The following CEP128 variants were observed in gnomAD, a reference collection of about 807,000 sequenced individuals.
CEP128 encodes centrosomal protein 128kDa.
In CEP128, 132 loss-of-function variants were observed where a neutral mutation model predicts 156.7. The ratio of observed to expected loss-of-function variants is 0.84; its 90% CI spans 0.73 to 0.97. The LOEUF (loss-of-function observed/expected upper bound fraction) is 0.97. Ranked by LOEUF, CEP128 falls within the 50% of genes least tolerant of loss-of-function variation. CEP128 has a pLI of 0.00. For synonymous variants in CEP128, 469 were observed against 448.9 expected, an observed-to-expected ratio of 1.04 and a Z score of -0.57; for missense variants, 1,252 against 1,281.9, an observed-to-expected ratio of 0.98 and a Z score of 0.36.
chr14:80,660,878 A>C (rs1006142045), intron 19 of CEP128, among the ~76,000 whole-genome samples: 2 of 152,256 alleles, frequency 1.3e-5, no homozygotes, highest in Non-Finnish European at 2.9e-5. Context: ...GCAATATTTT[A>C]TCTACACTAC....
At chr14:80,895,872 T>C in intron 7 of CEP128, 82 bp from the exon 8 acceptor site, 14 of 947,012 alleles carry the variant, frequency 1.5e-5, no homozygotes, top group Middle Eastern at 3.4e-4. Context: ...ACATGATAAT[T>C]ATGTTATTAC....
At chr14:80,554,317 AG>A (rs1323294661) in intron 21 of CEP128, among the ~76,000 whole-genome samples, 1 of 152,180 alleles carries the variant, frequency 6.6e-6, no homozygotes, top group Non-Finnish European at 1.5e-5. Flanking sequence ...TTAATGACTA[AG>A]GGTCTAAATT....
chr14:80,832,764 T>G (rs557403888), intron 12 of CEP128, among the ~76,000 whole-genome samples: 1 of 152,342 alleles, frequency 6.6e-6, no homozygotes, highest in East Asian at 1.9e-4. Flanking sequence ...TTCAGGTAAT[T>G]GCACACACAG....
intron 19 of CEP128, among the ~76,000 whole-genome samples, chr14:80,658,595 A>G (rs1162598362): frequency 6.6e-6 from 1 of 152,214 alleles, no homozygotes. Flanking sequence ...TAGGGTAATC[A>G]ATGTTGAGAT....
At chr14:80,778,423 G>C (rs1377654075) in intron 15 of CEP128, among the ~76,000 whole-genome samples, 2 of 152,196 alleles carry the variant, frequency 1.3e-5, no homozygotes, top group African/African-American at 4.8e-5. Context: ...GGAGTTATTA[G>C]AGAAGTGTCC....
chr14:80,570,056 A>G (rs1316461506), intron 20 of CEP128, among the ~76,000 whole-genome samples: 2 of 152,226 alleles, frequency 1.3e-5, no homozygotes, highest in East Asian at 3.9e-4. Context: ...TACCATAAAA[A>G]TCAAAACTAT....
chr14:80,645,023 T>C (rs983074480), intron 19 of CEP128, among the ~76,000 whole-genome samples: 2 of 152,126 alleles, frequency 1.3e-5, no homozygotes, highest in African/African-American at 4.8e-5. Flanking sequence ...AAATGAGACA[T>C]ACTTAATTCT....
At chr14:80,609,624 C>T (rs1304614152) in intron 19 of CEP128, among the ~76,000 whole-genome samples, 1 of 152,122 alleles carries the variant, frequency 6.6e-6, no homozygotes, top group Admixed American at 6.5e-5. Flanking sequence ...AACTGAACCA[C>T]ATGGAAATAA....
chr14:80,487,328 A>G (rs539697539), downstream of CEP128, among the ~76,000 whole-genome samples: 67 of 152,358 alleles, frequency 4.4e-4, no homozygotes, highest in African/African-American at 1.4e-3. Context: ...AGAGCTAACT[A>G]TCCTAAATAT....
chr14:80,559,261 G>A lies in CEP128; in HGVS notation c.2880+18C>T, dbSNP rs753044823. 1.9e-6 allele frequency: 3 copies of A among 1,603,488 alleles called. No homozygotes were observed. Among genetic ancestry groups the A allele is most frequent in the East Asian group, 2.3e-5 (1 of 44,392 alleles). ...GCAGTAATTCTGATAAAAGGAGAAAGAAAATGCCCCAACTTACCGTTTCTA... is the reference window on the plus strand; with the variant it reads ...GCAGTAATTCTGATAAAAGGAGAAAAAAAATGCCCCAACTTACCGTTTCTA... On this transcript the variant is annotated intron_variant, in intron 21 of 24. Coordinates refer to ENST00000555265, the MANE Select transcript of CEP128 (RefSeq NM_152446.5).
intron 19 of CEP128, among the ~76,000 whole-genome samples, chr14:80,589,434 T>C (rs1311856205): frequency 2.6e-5 from 4 of 152,132 alleles, no homozygotes; most frequent in Non-Finnish European, 5.9e-5. Context: ...GTACTATACA[T>C]GGTATATGGT....
At chr14:80,767,601 A>G (rs1488607546) in intron 16 of CEP128, among the ~76,000 whole-genome samples, 1 of 152,116 alleles carries the variant, frequency 6.6e-6, no homozygotes, top group East Asian at 1.9e-4. Context: ...ACTCATTATA[A>G]AAGTCCAATA....
At chr14:80,826,117 A>AC (rs979333185) in intron 13 of CEP128, among the ~76,000 whole-genome samples, 3 of 151,664 alleles carry the variant, frequency 2.0e-5, no homozygotes, top group African/African-American at 7.3e-5. Context: ...AAAAAAAAAA[A>AC]AAAAAAAAAC....
In CEP128 at chr14:80,654,864, G is replaced by T. The variant is rs78101100; in HGVS notation, c.2807-74441C>A. 2.2e-3 allele frequency among the ~76,000 whole-genome samples: 329 copies of T among 152,036 alleles called. 9 individuals carry two copies. The East Asian group carries it at 0.058, about 27-fold the overall frequency. On this transcript the variant is annotated intron_variant, in intron 19 of 24. Coordinates refer to ENST00000555265, the MANE Select transcript of CEP128 (RefSeq NM_152446.5). ...ATGGGCTTTAACACGTCCTTTAGAG[G>T]CTACAACTGCTCTTCCAGACTTCAG...
chr14:80,616,977 T>C (rs1223678767), intron 19 of CEP128, among the ~76,000 whole-genome samples: 1 of 152,162 alleles, frequency 6.6e-6, no homozygotes, highest in Non-Finnish European at 1.5e-5. Flanking sequence ...CAATGATTCT[T>C]TCTGTTACAT....
rs560188756 is a variant in CEP128, at chr14:80,577,886, T to C, written c.2856+2488A>G. On this transcript the variant is annotated intron_variant, in intron 20 of 24. Coordinates refer to ENST00000555265, the MANE Select transcript of CEP128 (RefSeq NM_152446.5). The stretch of plus-strand genomic sequence containing the variant: ...CCAACATACTGAACTTTCAGTTCCT[T>C]AAACATGAAACTGTGCTCTTTTATC... Among the ~76,000 whole-genome samples, 6 of 152,336 alleles carry C rather than the reference T, an allele frequency of 3.9e-5. No homozygotes were observed. In the South Asian group the frequency reaches 6.2e-4, roughly 16 times the overall value.
At chr14:80,916,366 T>C (rs1297955811) in intron 3 of CEP128, 35 bp downstream of exon 3, 1 of 1,565,620 alleles carries the variant, frequency 6.4e-7, no homozygotes, top group Admixed American at 1.8e-5. Context: ...TCAAACTATT[T>C]AAATTCTATT....
chr14:80,653,748 A>G (rs1450954188), intron 19 of CEP128, among the ~76,000 whole-genome samples: 1 of 152,190 alleles, frequency 6.6e-6, no homozygotes, highest in Non-Finnish European at 1.5e-5. Flanking sequence ...AAAACAAACA[A>G]AAAAAGCAAT....
chr14:80,905,212 C>T (rs759500784), intron 5 of CEP128, among the ~76,000 whole-genome samples: 2 of 151,772 alleles, frequency 1.3e-5, no homozygotes, highest in Non-Finnish European at 2.9e-5. Flanking sequence ...TTTTCTCATA[C>T]AAAAATAATA....
Sources: gnomAD v4.1 joint callset for allele counts (sites outside exome capture counted in the v4.1 genomes callset) on GRCh38, gnomAD v4.1.1 for gene constraint, MANE v1.5 for transcripts, NCBI Gene and HGNC (gene_info 2026-07-23, HGNC 2026-07-21) for gene names.